The following COP1 variants were observed in gnomAD, a reference collection of about 807,000 sequenced individuals.
COP1 encodes the protein COP1 E3 ubiquitin ligase.
COP1 carries 24 observed loss-of-function variants against 101.3 expected under a neutral mutation model. That is an observed-to-expected ratio of 0.24 (90% CI 0.17 to 0.33). COP1 has a LOEUF of 0.33. Ranked by LOEUF, COP1 falls within the 10% of genes least tolerant of loss-of-function variation. COP1 has a pLI of 1.00. For missense variants in COP1, 663 were observed against 906.2 expected, an observed-to-expected ratio of 0.73 and a Z score of 3.45; for synonymous variants, 347 against 341.9, an observed-to-expected ratio of 1.01 and a Z score of -0.17.
intron 11 of COP1, among the ~76,000 whole-genome samples, chr1:176,065,287 A>T (rs1558035769): frequency 6.6e-6 from 1 of 152,240 alleles, no homozygotes; most frequent in Non-Finnish European, 1.5e-5. Context: ...GGGGAAAAAA[A>T]CTGAAATAGT....
Position 176,091,809 on chromosome 1 carries a change from A to G in COP1, c.1027-5919T>C, listed in dbSNP as rs149944032. ...TAAAACAGAATGAAATTATATCAGT[A>G]TTAGCAATAAATGTAAATGGAAACA... On this transcript the variant is annotated intron_variant, in intron 9 of 19. Coordinates refer to ENST00000367669, the MANE Select transcript of COP1 (RefSeq NM_022457.7). Among the ~76,000 whole-genome samples the G allele has an allele frequency of 3.9e-5, 6 of 152,310 alleles. No individual in the cohort carries two copies. In the East Asian group the frequency reaches 1.2e-3, roughly 29 times the overall value.
At chr1:176,096,125 G>C (rs1682315202) in intron 9 of COP1, among the ~76,000 whole-genome samples, 2 of 152,168 alleles carry the variant, frequency 1.3e-5, no homozygotes, top group Non-Finnish European at 2.9e-5. Context: ...TGTGTGACAA[G>C]AGCCTGGTTT....
chr1:176,014,735 T>C (rs758887054), intron 15 of COP1, among the ~76,000 whole-genome samples: 1 of 152,154 alleles, frequency 6.6e-6, no homozygotes, highest in Non-Finnish European at 1.5e-5. Flanking sequence ...CAAAAACCAA[T>C]GTGTGTGTAT....
At chr1:175,989,523 G>A in intron 15 of COP1, 44 bp from the exon 16 acceptor site, 2 of 1,084,506 alleles carry the variant, frequency 1.8e-6, no homozygotes, top group Non-Finnish European at 2.8e-6. Context: ...ATGCAGAAAT[G>A]GAAAGCAAAG....
chr1:176,202,192 T>G (rs1482672935), intron 1 of COP1, among the ~76,000 whole-genome samples: 4 of 149,198 alleles, frequency 2.7e-5, no homozygotes. Context: ...TCACTTTTTT[T>G]TTTTTTTTTT....
chr1:176,186,872 T>C (rs1698512392), intron 1 of COP1, among the ~76,000 whole-genome samples: 1 of 152,078 alleles, frequency 6.6e-6, no homozygotes, highest in Non-Finnish European at 1.5e-5. Flanking sequence ...AGATGTTGGG[T>C]ATGAGACAAA....
chr1:176,088,055 G>A (rs1221710055), intron 9 of COP1, among the ~76,000 whole-genome samples: 3 of 152,108 alleles, frequency 2.0e-5, no homozygotes, highest in African/African-American at 4.8e-5. Flanking sequence ...ACTGAACAAT[G>A]AGAATACTTG....
At chr1:176,012,751 T>C (rs986132971) in intron 15 of COP1, among the ~76,000 whole-genome samples, 16 of 152,180 alleles carry the variant, frequency 1.1e-4, no homozygotes, top group Admixed American at 5.2e-4. Flanking sequence ...TGTGCTATAA[T>C]TGGCTACGGC....
intron 6 of COP1, among the ~76,000 whole-genome samples, chr1:176,141,859 T>G (rs1200306482): frequency 1.3e-5 from 2 of 152,002 alleles, no homozygotes; most frequent in African/African-American, 2.4e-5. Context: ...GCCTCCCAAG[T>G]AGCGGGGACT....
chr1:176,063,653 A>G (rs1041113543), intron 11 of COP1, among the ~76,000 whole-genome samples: 1 of 152,208 alleles, frequency 6.6e-6, no homozygotes, highest in Non-Finnish European at 1.5e-5. Flanking sequence ...TTAGTGGTAG[A>G]AAAACAGCCC....
chr1:176,137,748 A>C (rs755553873), intron 6 of COP1, among the ~76,000 whole-genome samples: 25 of 152,198 alleles, frequency 1.6e-4, no homozygotes, highest in Non-Finnish European at 3.2e-4. Context: ...ATAACTGATA[A>C]GGGCAAACAG....
chr1:176,070,393 T>A (rs1676766041), intron 11 of COP1, among the ~76,000 whole-genome samples: 2 of 150,938 alleles, frequency 1.3e-5, no homozygotes, highest in African/African-American at 2.4e-5. Context: ...CCAGGCACGG[T>A]GGCTAACACC....
chr1:175,963,379 C>T (rs1367907757), intron 18 of COP1, among the ~76,000 whole-genome samples: 1 of 152,126 alleles, frequency 6.6e-6, no homozygotes, highest in Non-Finnish European at 1.5e-5. Context: ...ATCTATTGCA[C>T]TTTCCCTCAT....
intron 15 of COP1, among the ~76,000 whole-genome samples, chr1:176,006,528 T>A (rs1387163930): frequency 6.6e-6 from 1 of 152,226 alleles, no homozygotes; most frequent in African/African-American, 2.4e-5. Context: ...TCAGGAGCTC[T>A]TTTAGGGCAG....
At position 176,206,930 on chromosome 1, in the gene COP1, CG is replaced by C; in HGVS notation, c.48del (p.Ser18ProfsTer7). 1.4e-6 allele frequency: 2 copies of C among 1,460,366 alleles called. No homozygotes were observed. The highest frequency in any genetic ancestry group is 9.0e-7 in the Non-Finnish European group (1 of 1,111,074). 90.5% of individuals were successfully genotyped at this position (1,460,366 alleles called of 1,614,324 possible). A position where few individuals can be genotyped will look rare whatever the true frequency, so the allele number is the denominator to read the frequency against. On this transcript the variant is annotated frameshift_variant, in exon 1 of 20. Coordinates refer to ENST00000367669, the MANE Select transcript of COP1 (RefSeq NM_022457.7). LOFTEE classifies it high-confidence loss of function. ...GTCACCGAGGAGGCCGCCGAGGACC[CG>C]GGGCTTGTCCCAGCGGAGCCCGACC... is the stretch of plus-strand genomic sequence containing the variant. ...QAGSGSAGTS[P>X]GSSAASSVTS... is the part of the protein sequence containing the mutation.
At chr1:176,183,439 C>T (rs1238020815) in intron 2 of COP1, among the ~76,000 whole-genome samples, 1 of 152,116 alleles carries the variant, frequency 6.6e-6, no homozygotes, top group Non-Finnish European at 1.5e-5. Flanking sequence ...CTATCAAAAA[C>T]CAACAACAGA....
chr1:175,972,083 T>A (rs1405055357), intron 18 of COP1, among the ~76,000 whole-genome samples: 1 of 152,054 alleles, frequency 6.6e-6, no homozygotes, highest in Non-Finnish European at 1.5e-5. Context: ...CTAGGATACT[T>A]AACAAAACAA....
chr1:175,981,296 T>C (rs1034843300), intron 18 of COP1, among the ~76,000 whole-genome samples: 5 of 152,186 alleles, frequency 3.3e-5, no homozygotes, highest in Admixed American at 1.3e-4. Context: ...CTGGTTTCAC[T>C]GTCTGTTGGC....
chr1:176,029,623 T>C (rs1168914605), intron 14 of COP1, among the ~76,000 whole-genome samples: 1 of 152,210 alleles, frequency 6.6e-6, no homozygotes, highest in Non-Finnish European at 1.5e-5. Context: ...CCAGGTACTG[T>C]TGTTTTTTAA....
Sources: allele counts gnomAD v4.1 joint callset (sites outside exome capture counted in the v4.1 genomes callset), GRCh38; gene constraint gnomAD v4.1.1; transcripts MANE v1.5; gene names NCBI Gene and HGNC (gene_info 2026-07-23, HGNC 2026-07-21).